The following COMMD1 variants were observed in gnomAD, a reference collection of about 807,000 sequenced individuals.
COMMD1 encodes the protein copper metabolism domain containing 1.
A neutral mutation model predicts 17.2 loss-of-function variants in COMMD1; 10 were observed. The ratio of observed to expected loss-of-function variants is 0.58; its 90% CI spans 0.36 to 0.99. The LOEUF (loss-of-function observed/expected upper bound fraction) is 0.99, where lower values mean the gene tolerates loss of function less well. COMMD1 is among the 50% of genes least tolerant of loss of function. The pLI is 0.01. For synonymous variants in COMMD1, 97 were observed against 91.6 expected (o/e 1.06, Z -0.34); for missense variants, 270 against 231.8 (o/e 1.17, Z -1.07).
chr2:61,960,767 C>T (rs1671320223), intron 1 of COMMD1, among the ~76,000 whole-genome samples: 1 of 152,206 alleles, frequency 6.6e-6, no homozygotes, highest in African/African-American at 2.4e-5. Context: ...TAACCTTCCT[C>T]CCGTGCCTTT....
rs549720463 is a variant in COMMD1 at position 62,106,940 on chromosome 2, A to G, written c.463-28891A>G. 5.9e-5 allele frequency among the ~76,000 whole-genome samples: 9 copies of G among 152,332 alleles called. 1 individual carries two copies. The highest frequency in any genetic ancestry group is 1.4e-4 in the African/African-American group (6 of 41,578). Reference sequence around the variant, plus strand: ...AGTTCCTGGTGGGTCCCTAGGCCCTATGAGGCCCAGACTTGCCTTCTCACT... The same window carrying G: ...AGTTCCTGGTGGGTCCCTAGGCCCTGTGAGGCCCAGACTTGCCTTCTCACT... On this transcript the variant is annotated intron_variant, in intron 2 of 2. Transcript: ENST00000311832.
chr2:61,943,123 G>A (rs1057009946), intron 1 of COMMD1, among the ~76,000 whole-genome samples: 6 of 152,300 alleles, frequency 3.9e-5, no homozygotes, highest in African/African-American at 1.2e-4. Context: ...GAGAGATAGA[G>A]AACTTAGGAA....
intron 1 of COMMD1, among the ~76,000 whole-genome samples, chr2:61,946,270 T>G (rs1281174581): frequency 6.6e-6 from 1 of 152,166 alleles, no homozygotes; most frequent in Non-Finnish European, 1.5e-5. Context: ...TTTTAAAAGT[T>G]GAAAAAACAA....
intron 2 of COMMD1, among the ~76,000 whole-genome samples, chr2:62,067,601 A>G (rs1671089061): frequency 6.6e-6 from 1 of 152,208 alleles, no homozygotes; most frequent in African/African-American, 2.4e-5. Flanking sequence ...ACCCAGGGAA[A>G]ACTATTTTTT....
chr2:61,902,531 A>G (rs1352307895), upstream of COMMD1, among the ~76,000 whole-genome samples: 1 of 151,988 alleles, frequency 6.6e-6, no homozygotes, highest in Non-Finnish European at 1.5e-5. Context: ...AAAAGAAATC[A>G]CTGAAGTGAC....
At chr2:61,970,026 G>A (rs1671604441) in intron 1 of COMMD1, among the ~76,000 whole-genome samples, 1 of 152,088 alleles carries the variant, frequency 6.6e-6, no homozygotes, top group South Asian at 2.1e-4. Flanking sequence ...GGAGGCCAAG[G>A]TAGGTGGATC....
intron 1 of COMMD1, among the ~76,000 whole-genome samples, chr2:61,927,921 C>G (rs1264727735): frequency 1.3e-5 from 2 of 152,008 alleles, no homozygotes; most frequent in Non-Finnish European, 2.9e-5. Flanking sequence ...CATGCCACCA[C>G]GCCTGGCTAA....
At chr2:62,078,266 AG>A (rs1671407456) in intron 2 of COMMD1, among the ~76,000 whole-genome samples, 4 of 133,556 alleles carry the variant, frequency 3.0e-5, no homozygotes, top group Non-Finnish European at 6.4e-5. Context: ...AAAAAAAAAA[AG>A]GTGGAGCCGG....
chr2:62,026,340 G>GC (rs1387670911), intron 2 of COMMD1, among the ~76,000 whole-genome samples: 4 of 152,184 alleles, frequency 2.6e-5, no homozygotes, highest in Non-Finnish European at 4.4e-5. Context: ...CAGAGGAAGA[G>GC]CAGGCACTTC....
At chr2:62,017,991 G>A (rs1481725084) in intron 2 of COMMD1, among the ~76,000 whole-genome samples, 2 of 151,908 alleles carry the variant, frequency 1.3e-5, no homozygotes, top group Admixed American at 6.6e-5. Context: ...TGAGGCTGCA[G>A]TGAGCCATGA....
chr2:61,914,265 G>A (rs569292719), intron 1 of COMMD1, among the ~76,000 whole-genome samples: 7 of 152,220 alleles, frequency 4.6e-5, no homozygotes, highest in African/African-American at 1.7e-4. Flanking sequence ...TGGAAATGGG[G>A]ACTATTTGCT....
intron 2 of COMMD1, among the ~76,000 whole-genome samples, chr2:62,042,510 C>T (rs1265128094): frequency 6.6e-6 from 1 of 152,222 alleles, no homozygotes; most frequent in Non-Finnish European, 1.5e-5. Flanking sequence ...CCAGCAGGTG[C>T]TGGCGGGCCG....
chr2:62,063,014 C>T (rs886131643), intron 2 of COMMD1, among the ~76,000 whole-genome samples: 1 of 151,790 alleles, frequency 6.6e-6, no homozygotes, highest in African/African-American at 2.4e-5. Flanking sequence ...GTCAGGAGAT[C>T]GAGACCAGCC....
chr2:61,954,638 T>A (rs751860088), intron 1 of COMMD1, among the ~76,000 whole-genome samples: 2 of 152,092 alleles, frequency 1.3e-5, no homozygotes, highest in Non-Finnish European at 2.9e-5. Flanking sequence ...AAGGATAGTA[T>A]TACTCTAGAG....
rs1672092881 is a variant in COMMD1 at position 62,098,828 on chromosome 2, T to C, written c.463-37003T>C. ...TTTCCAATCTGCTACTCTAAATCAT[T>C]CTTCAGCTTTGTTCTGGGGACCAGT... On this transcript the variant is annotated intron_variant, in intron 2 of 2. Transcript: ENST00000311832. Among the ~76,000 whole-genome samples, 3 of 152,216 alleles carry C rather than the reference T, an allele frequency of 2.0e-5. No homozygotes were observed. The South Asian group carries it at 6.2e-4, about 32-fold the overall frequency.
chr2:62,092,657 G>A (rs981079099), intron 2 of COMMD1, among the ~76,000 whole-genome samples: 3 of 152,208 alleles, frequency 2.0e-5, no homozygotes, highest in East Asian at 1.9e-4. Flanking sequence ...CTTTGGGGTC[G>A]TCAGCCCCCG....
chr2:61,998,633 C>T (rs1009803783), intron 1 of COMMD1, among the ~76,000 whole-genome samples: 15 of 152,174 alleles, frequency 9.9e-5, no homozygotes, highest in African/African-American at 2.7e-4. Context: ...TTCTCCTTGG[C>T]GTTCACAACT....
chr2:62,002,786 G>A (rs554875160), intron 2 of COMMD1, among the ~76,000 whole-genome samples: 8 of 152,008 alleles, frequency 5.3e-5, no homozygotes, highest in Middle Eastern at 3.4e-3. Context: ...ATCCTGGGAG[G>A]TGGAGGTTGC....
chr2:62,040,163 G>A (rs566757908), intron 2 of COMMD1, among the ~76,000 whole-genome samples: 60 of 152,290 alleles, frequency 3.9e-4, no homozygotes, highest in South Asian at 3.1e-3. Context: ...TGAGGTGGGA[G>A]GATTACTTGA....
Sources: allele counts gnomAD v4.1 joint callset (sites outside exome capture counted in the v4.1 genomes callset), GRCh38; gene constraint gnomAD v4.1.1; transcripts MANE v1.5; gene names NCBI Gene and HGNC (gene_info 2026-07-23, HGNC 2026-07-21).